Variants in FAM184B observed in about 807,000 individuals in gnomAD.
The protein encoded by FAM184B is family with sequence similarity 184 member B.
Under a neutral mutation model 135.9 loss-of-function variants are expected in FAM184B, and 111 were observed. That is an observed-to-expected ratio of 0.82 (90% confidence interval 0.70 to 0.96). The LOEUF (loss-of-function observed/expected upper bound fraction) is 0.96, where lower values mean the gene tolerates loss of function less well. Ranked by LOEUF, FAM184B falls within the 40% of genes least tolerant of loss-of-function variation. The pLI is 0.00. For synonymous variants in FAM184B, 552 were observed against 524.8 expected (o/e 1.05, Z -0.71); for missense variants, 1,375 against 1,323.9 (o/e 1.04, Z -0.60).
At chr4:17,650,903 T>A (rs6833808) in intron 11 of FAM184B, among the ~76,000 whole-genome samples, 91,716 of 149,570 alleles carry the variant, frequency 0.61, 28,193 homozygotes, top group East Asian at 0.89. Flanking sequence ...CTTTTCCTAA[T>A]TTTTTTTTTT....
intron 11 of FAM184B, among the ~76,000 whole-genome samples, chr4:17,650,442 C>T (rs531816290): frequency 6.6e-6 from 1 of 152,330 alleles, no homozygotes; most frequent in East Asian, 1.9e-4. Flanking sequence ...GGGACTGGTG[C>T]TGAGAAGCCC....
chr4:17,653,929 A>AGAGAGAGAGAGAGGGAGAGG (rs1715711202), intron 10 of FAM184B, among the ~76,000 whole-genome samples: 1 of 72,228 alleles, frequency 1.4e-5, no homozygotes, highest in Admixed American at 1.7e-4. Context: ...AGGGAGGGGG[A>AGAGAGAGAGAGAGGGAGAGG]GGGGGATTTG....
At chr4:17,780,232 GT>G (rs1455267510) in intron 1 of FAM184B, among the ~76,000 whole-genome samples, 1 of 152,210 alleles carries the variant, frequency 6.6e-6, no homozygotes, top group Non-Finnish European at 1.5e-5. Context: ...GAGGGAGATG[GT>G]GAGGAAAGAG....
chr4:17,770,341 G>A (rs1035002149), intron 1 of FAM184B, among the ~76,000 whole-genome samples: 1 of 152,220 alleles, frequency 6.6e-6, no homozygotes, highest in African/African-American at 2.4e-5. Context: ...AGAGGTGAAG[G>A]TGGCTCCGAC....
At chr4:17,776,502 C>T (rs1243767410) in intron 1 of FAM184B, among the ~76,000 whole-genome samples, 1 of 152,214 alleles carries the variant, frequency 6.6e-6, no homozygotes, top group African/African-American at 2.4e-5. Context: ...GATTCTCCTG[C>T]CTCAGCCTGC....
chr4:17,632,482 T>G lies in FAM184B; in HGVS notation c.*50A>C, dbSNP rs1434128187. Reference sequence around the variant, plus strand: ...AGTTCATTCCTTCAATCGGATGATTTAAAATAAATGTTTTTCAAGTATCCT... The same window carrying G: ...AGTTCATTCCTTCAATCGGATGATTGAAAATAAATGTTTTTCAAGTATCCT... On this transcript the variant is annotated 3_prime_UTR_variant, in exon 18 of 18. Coordinates refer to ENST00000265018, the MANE Select transcript of FAM184B (RefSeq NM_015688.2). 1.4e-6 allele frequency: 2 copies of G among 1,398,100 alleles called. No homozygotes were observed. The highest frequency in any genetic ancestry group is 2.0e-6 in the Non-Finnish European group (2 of 1,016,952). 86.6% of individuals were successfully genotyped at this position (1,398,100 alleles called of 1,614,324 possible).
At chr4:17,747,346 A>T (rs1041008248) in intron 1 of FAM184B, among the ~76,000 whole-genome samples, 1 of 152,086 alleles carries the variant, frequency 6.6e-6, no homozygotes, top group African/African-American at 2.4e-5. Flanking sequence ...CCAGCGAGGG[A>T]AGAGAAGAAC....
intron 1 of FAM184B, among the ~76,000 whole-genome samples, chr4:17,717,149 C>A (rs761583085): frequency 6.6e-6 from 1 of 152,122 alleles, no homozygotes; most frequent in Non-Finnish European, 1.5e-5. Context: ...GTTATTTCAT[C>A]TCTCTGAAGC....
chr4:17,742,167 TA>T (rs56942158), intron 1 of FAM184B, among the ~76,000 whole-genome samples: 969 of 36,060 alleles, frequency 0.027, 8 homozygotes, highest in African/African-American at 0.16. Context: ...TATATATATA[TA>T]TTTTTTTTTT....
intron 1 of FAM184B, among the ~76,000 whole-genome samples, chr4:17,730,713 A>G (rs1437941010): frequency 1.3e-5 from 2 of 152,266 alleles, no homozygotes; most frequent in Admixed American, 6.5e-5. Context: ...GCTCCTCACC[A>G]GCAATGGAAC....
intron 1 of FAM184B, among the ~76,000 whole-genome samples, chr4:17,774,115 G>A (rs1273273189): frequency 1.3e-5 from 2 of 152,144 alleles, no homozygotes; most frequent in African/African-American, 4.8e-5. Flanking sequence ...GGCGGCTCAC[G>A]CCTGCAACCC....
chr4:17,689,227 T>C (rs192064239), intron 6 of FAM184B, among the ~76,000 whole-genome samples: 3 of 152,174 alleles, frequency 2.0e-5, no homozygotes, highest in South Asian at 2.1e-4. Flanking sequence ...ATAGGTAAAA[T>C]GAGAAAAGAG....
chr4:17,631,866 C>CT lies in FAM184B; in HGVS notation c.*665dup, dbSNP rs1317715385. 1 of 152,172 alleles carries CT rather than the reference C, an allele frequency of 6.6e-6. No individual in the cohort carries two copies. The highest frequency in any genetic ancestry group is 1.9e-4 in the East Asian group (1 of 5,172). The allele number at this position is 152,172 out of a possible 1,614,324, so 9.4% of individuals were successfully genotyped here. On this transcript the variant is annotated 3_prime_UTR_variant, in exon 18 of 18. Coordinates refer to ENST00000265018, the MANE Select transcript of FAM184B (RefSeq NM_015688.2). ...AGAAACAGCTTTCCAGTGGAGTTGA[C>CT]TAGCATCCTAAGGACAAGTACAACC...
intron 11 of FAM184B, among the ~76,000 whole-genome samples, chr4:17,650,703 C>T (rs538744846): frequency 2.0e-5 from 3 of 152,292 alleles, no homozygotes; most frequent in African/African-American, 7.2e-5. Context: ...CATGTAGGCA[C>T]CTCCATTCCA....
chr4:17,674,162 CTT>C (rs1343474406), intron 7 of FAM184B, among the ~76,000 whole-genome samples: 5 of 151,704 alleles, frequency 3.3e-5, no homozygotes, highest in East Asian at 1.9e-4. Context: ...GTGCAAATCA[CTT>C]TTAATTCTAG....
intron 2 of FAM184B, among the ~76,000 whole-genome samples, 179 bp downstream of exon 2, chr4:17,708,713 T>TATA (rs1310722538): frequency 2.3e-5 from 1 of 43,928 alleles, no homozygotes; most frequent in African/African-American, 9.3e-5. Flanking sequence ...ATATATAGTG[T>TATA]CTGTGTGTGT....
chr4:17,695,942 T>C (rs927484607), intron 5 of FAM184B, among the ~76,000 whole-genome samples: 1 of 152,086 alleles, frequency 6.6e-6, no homozygotes, highest in African/African-American at 2.4e-5. Flanking sequence ...TATAAGACAT[T>C]AAAGAACCAA....
At chr4:17,735,188 G>C (rs903657489) in intron 1 of FAM184B, among the ~76,000 whole-genome samples, 14 of 151,622 alleles carry the variant, frequency 9.2e-5, no homozygotes, top group Non-Finnish European at 1.2e-4. Context: ...TTGTGGGGTG[G>C]GGGGATGGGG....
chr4:17,638,134 CTTTTTT>C lies in FAM184B; in HGVS notation c.2666+1110_2666+1115del, dbSNP rs56926847. Among the ~76,000 whole-genome samples, 14 of 73,408 alleles carry C rather than the reference CTTTTTT, an allele frequency of 1.9e-4. No individual in the cohort carries two copies. In the South Asian group the frequency reaches 4.2e-3, roughly 22 times the overall value. The allele number at this position is 73,408 out of a possible 152,430, so 48.2% of individuals were successfully genotyped here. A position where few individuals can be genotyped will look rare whatever the true frequency, so the allele number is the denominator to read the frequency against. On this transcript the variant is annotated intron_variant, in intron 14 of 17. Transcript: ENST00000265018. ...CGCCTGGTATGATGTTAACTGTTTG[CTTTTTT>C]TTTTTTTTTTTTTTTTTTTTTTTGA...
Sources: allele counts gnomAD v4.1 joint callset (sites outside exome capture counted in the v4.1 genomes callset), GRCh38; gene constraint gnomAD v4.1.1; transcripts MANE v1.5; gene names NCBI Gene and HGNC (gene_info 2026-07-23, HGNC 2026-07-21).